The following PDE2A variants were observed in gnomAD, a reference collection of about 807,000 sequenced individuals.
PDE2A encodes cGMP-dependent 3',5'-cyclic phosphodiesterase.
A neutral mutation model predicts 133.6 loss-of-function variants in PDE2A; 53 were observed. That is an observed-to-expected ratio of 0.40 (90% CI 0.32 to 0.50). The LOEUF (loss-of-function observed/expected upper bound fraction) is 0.50, where lower values mean the gene tolerates loss of function less well. PDE2A is among the 20% of genes least tolerant of loss of function. PDE2A has a pLI of 0.73. For synonymous variants in PDE2A, 491 were observed against 490.2 expected, an observed-to-expected ratio of 1.00 and a Z score of -0.02; for missense variants, 796 against 1,232.4, an observed-to-expected ratio of 0.65 and a Z score of 5.30.
intron 2 of PDE2A, among the ~76,000 whole-genome samples, chr11:72,637,122 G>C (rs1858735229): frequency 7.3e-6 from 1 of 137,310 alleles, no homozygotes; most frequent in African/African-American, 3.6e-5. Flanking sequence ...CTTGACCTTA[G>C]CTCTCAGTTC....
intron 2 of PDE2A, among the ~76,000 whole-genome samples, chr11:72,638,052 CA>C (rs1392101239): frequency 6.6e-6 from 1 of 151,918 alleles, no homozygotes; most frequent in Non-Finnish European, 1.5e-5. Context: ...GTCTCCTTGC[CA>C]GGGGGGTCAT....
chr11:72,580,390 T>C (rs1042418317), intron 25 of PDE2A, among the ~76,000 whole-genome samples, 187 bp downstream of exon 25: 15 of 152,090 alleles, frequency 9.9e-5, no homozygotes, highest in Admixed American at 9.2e-4. Context: ...AAATCCTTGC[T>C]ATCATCCGCA....
At chr11:72,588,515 A>G (rs147061656) in intron 13 of PDE2A, among the ~76,000 whole-genome samples, 1 of 152,330 alleles carries the variant, frequency 6.6e-6, no homozygotes, top group African/African-American at 2.4e-5. Flanking sequence ...CTAGCAGTTT[A>G]TAGCAGTAAT....
At chr11:72,583,711 A>C (rs532264311) in intron 19 of PDE2A, 196 bp from the exon 20 acceptor site, 8 of 589,946 alleles carry the variant, frequency 1.4e-5, no homozygotes, top group Admixed American at 2.9e-5. Context: ...GTTCCTCCTC[A>C]TCAAGTTCTC....
rs1855454773 is a variant in PDE2A, at chr11:72,674,346, A to G, written c.-139T>C. On this transcript the variant is annotated 5_prime_UTR_variant, in exon 1 of 31. Transcript: ENST00000334456. The stretch of plus-strand genomic sequence containing the variant: ...GCTGCCCCCTACTCAGCCTGGACTC[A>G]ACACCCCAATCCAGCTCTGCTGCCC... 9.4e-6 allele frequency: 7 copies of G among 747,022 alleles called. No homozygotes were observed. Among genetic ancestry groups the G allele is most frequent in the Non-Finnish European group, 1.1e-5 (5 of 463,086 alleles). 46.3% of individuals were successfully genotyped at this position (747,022 alleles called of 1,614,324 possible).
Position 72,591,528 on chromosome 11 carries a change from T to TC in PDE2A, c.490-173dup, listed in dbSNP as rs141542644. On this transcript the variant is annotated intron_variant, in intron 6 of 30. Coordinates refer to ENST00000334456, the MANE Select transcript of PDE2A (RefSeq NM_002599.5). ...GACCACTCAGACAGCTCCAGGAAAA[T>TC]CCCTCCTGTAGGAAGTCTCCTAGGA... Among the ~76,000 whole-genome samples, 781 of 152,196 alleles carry TC rather than the reference T, an allele frequency of 5.1e-3. 4 individuals are homozygous for TC. Among genetic ancestry groups the TC allele is most frequent in the African/African-American group, 0.018 (746 of 41,522 alleles).
At chr11:72,614,358 A>G (rs1857358375) in intron 2 of PDE2A, among the ~76,000 whole-genome samples, 1 of 152,178 alleles carries the variant, frequency 6.6e-6, no homozygotes. Context: ...AGTCTGAAGG[A>G]GGAGGCAAGA....
intron 4 of PDE2A, among the ~76,000 whole-genome samples, chr11:72,604,548 C>T (rs574908280): frequency 2.0e-5 from 3 of 152,326 alleles, no homozygotes; most frequent in East Asian, 3.9e-4. Flanking sequence ...ATTTAATCCT[C>T]CCCACAATCC....
At chr11:72,640,928 A>T (rs1015589703) in intron 2 of PDE2A, among the ~76,000 whole-genome samples, 12 of 152,046 alleles carry the variant, frequency 7.9e-5, no homozygotes, top group African/African-American at 2.9e-4. Context: ...ATAGACCCAT[A>T]ATTCCCATAA....
Position 72,578,782 on chromosome 11 carries a change from C to T in PDE2A, c.2469+115G>A. 1.4e-6 allele frequency: 1 copy of T among 707,306 alleles called. No individual in the cohort carries two copies. The highest frequency in any genetic ancestry group is 2.5e-6 in the Non-Finnish European group (1 of 394,820). The allele number at this position is 707,306 out of a possible 1,614,324, so 43.8% of individuals were successfully genotyped here. ...ACCCTGAGATGGTCTAGGTTTCTGT[C>T]TCCCCAGAACACAGCCAGGCTGAGC... On this transcript the variant is annotated intron_variant, in intron 28 of 30. Transcript: ENST00000334456. This position sits in a 1 kb window ranked among gnomAD's most constrained non-coding sequence, Gnocchi z 4.2.
At chr11:72,635,904 C>T (rs1858659093) in intron 2 of PDE2A, 1 of 1,028,948 alleles carries the variant, frequency 9.7e-7, no homozygotes, top group Non-Finnish European at 1.2e-6. Flanking sequence ...TGCTCTCACT[C>T]CCGGCCCTCT....
chr11:72,597,510 C>G lies in PDE2A; in HGVS notation c.433G>C (p.Val145Leu). ...LVAPLAPDTQVLVMPLADKEA... is the reference protein window; with the variant it reads ...LVAPLAPDTQLLVMPLADKEA... Reference sequence around the variant, plus strand: ...CCCCTGCCCAGCCCCTAGCCCTTACCTTGGGTATCAGGAGCCAGTGGAGCC... The same window carrying G: ...CCCCTGCCCAGCCCCTAGCCCTTACGTTGGGTATCAGGAGCCAGTGGAGCC... Residue 145 changes from valine (V) to leucine (L), a missense_variant and splice_region_variant, in exon 5 of 31, where the codon GTG becomes CTG. Physicochemically the swap from Val to Leu is conservative, Grantham distance 32. Around this residue, in one of 7 missense-constraint regions of PDE2A, gnomAD observed 417 missense variants for 475.3 expected, o/e 0.88. Coordinates refer to ENST00000334456, the MANE Select transcript of PDE2A (RefSeq NM_002599.5). The surrounding 1 kb of genome is among the most constrained non-coding windows in gnomAD (Gnocchi z 4.6). 1 of 1,595,094 alleles carries G rather than the reference C, an allele frequency of 6.3e-7. No individual in the cohort carries two copies. The highest frequency in any genetic ancestry group is 8.5e-7 in the Non-Finnish European group (1 of 1,170,180).
rs1855569077 is a variant in PDE2A at position 72,578,590 on chromosome 11, G to A, written c.2470-76C>T. 7.6e-7 allele frequency: 1 copy of A among 1,310,080 alleles called. No individual in the cohort carries two copies. The highest frequency in any genetic ancestry group is 1.7e-5 in the Admixed American group (1 of 59,204). 81.2% of individuals were successfully genotyped at this position (1,310,080 alleles called of 1,614,324 possible). A position where few individuals can be genotyped will look rare whatever the true frequency, so the allele number is the denominator to read the frequency against. On this transcript the variant is annotated intron_variant, in intron 28 of 30. Transcript: ENST00000334456. The surrounding 1 kb of genome is among the most constrained non-coding windows in gnomAD (Gnocchi z 4.2). ...AAGCTCCTCTGACAGCCCGTTCCCA[G>A]GAGAGAAAACTGAGGCCCAGGGATT...
At chr11:72,663,152 C>G (rs1855122162) in intron 1 of PDE2A, among the ~76,000 whole-genome samples, 1 of 152,156 alleles carries the variant, frequency 6.6e-6, no homozygotes, top group South Asian at 2.1e-4. Context: ...CTGGGTGTGC[C>G]TGTCTCTAAT....
rs1329704845 is a variant in PDE2A at position 72,584,540 on chromosome 11, G to T, written c.1537+11C>A. The T allele has an allele frequency of 1.9e-6, 3 of 1,588,604 alleles. No individual in the cohort carries two copies. The highest frequency in any genetic ancestry group is 1.7e-4 in the Middle Eastern group (1 of 6,002). On this transcript the variant is annotated intron_variant, in intron 18 of 30. Coordinates refer to ENST00000334456, the MANE Select transcript of PDE2A (RefSeq NM_002599.5). ...CAGGCCCCGCCCCTCCGCCCGGGCC[G>T]CCACGCGCACCCTGGTTCTCGTTCT...
chr11:72,636,003 C>A, intron 2 of PDE2A: 1 of 1,258,000 alleles, frequency 7.9e-7, no homozygotes, highest in Non-Finnish European at 1.0e-6. Context: ...AACTCCCATG[C>A]CCTTCCTGTC....
At chr11:72,579,156 G>T in intron 27 of PDE2A, 128 bp downstream of exon 27, 2 of 932,342 alleles carry the variant, frequency 2.1e-6, no homozygotes, top group South Asian at 2.8e-5. Context: ...CTGCCTGGGG[G>T]GGGCCGTGCA....
chr11:72,665,609 C>A (rs548223002), intron 1 of PDE2A, among the ~76,000 whole-genome samples: 1 of 152,202 alleles, frequency 6.6e-6, no homozygotes, highest in African/African-American at 2.4e-5. Context: ...ATGGCAGCTA[C>A]AGCTTGAAGG....
intron 1 of PDE2A, among the ~76,000 whole-genome samples, chr11:72,644,037 A>G (rs1398057772): frequency 6.6e-6 from 1 of 152,120 alleles, no homozygotes; most frequent in Non-Finnish European, 1.5e-5. Context: ...CTCTTCTCAC[A>G]TCAATGACTG....
Sources: allele counts gnomAD v4.1 joint callset (sites outside exome capture counted in the v4.1 genomes callset), GRCh38; gene constraint gnomAD v4.1.1; regional missense constraint gnomAD v4.1.1; non-coding constraint Gnocchi (gnomAD v3.1); transcripts MANE v1.5; gene names NCBI Gene and HGNC (gene_info 2026-07-23, HGNC 2026-07-21).